The following KALRN variants were observed in gnomAD, a reference collection of about 807,000 sequenced individuals.
The protein encoded by KALRN is kalirin.
KALRN carries 70 observed loss-of-function variants against 353.7 expected under a neutral mutation model. That is an observed-to-expected ratio of 0.20 (90% CI 0.16 to 0.24). The LOEUF is 0.24. KALRN is among the 10% of genes least tolerant of loss of function. KALRN has a pLI of 1.00. For synonymous variants in KALRN, 1,391 were observed against 1,434.8 expected (o/e 0.97, Z 0.69); for missense variants, 2,791 against 3,756.7 (o/e 0.74, Z 6.72).
chr3:124,233,962 A>G (rs1336190772), intron 2 of KALRN, among the ~76,000 whole-genome samples: 1 of 152,298 alleles, frequency 6.6e-6, no homozygotes, highest in South Asian at 2.1e-4. Flanking sequence ...CTTCCTAAGC[A>G]TAGTGTCCAT....
intron 57 of KALRN, among the ~76,000 whole-genome samples, chr3:124,707,076 C>A (rs929268293): frequency 4.6e-5 from 7 of 152,088 alleles, no homozygotes; most frequent in African/African-American, 1.4e-4. Context: ...TGGTGGCTCA[C>A]GCCTGTAATC....
rs957782341 is a variant in KALRN at position 124,152,850 on chromosome 3, C to T, written c.74-75140C>T. On this transcript the variant is annotated intron_variant, in intron 1 of 59. Coordinates refer to ENST00000682506, the MANE Select transcript of KALRN (RefSeq NM_001388419.1). ...CAAGCTTGTCTTGAACTCCTGACCT[C>T]GTGATCCACCCGCCTCGGCCTCTCA... 6 of 213,618 alleles carry T rather than the reference C, an allele frequency of 2.8e-5. No homozygotes were observed. In the South Asian group the frequency reaches 4.8e-4, roughly 17 times the overall value. The allele number at this position is 213,618 out of a possible 1,614,324, so 13.2% of individuals were successfully genotyped here. A position where few individuals can be genotyped will look rare whatever the true frequency, so the allele number is the denominator to read the frequency against.
chr3:124,645,302 C>CT (rs1181154977), intron 37 of KALRN, among the ~76,000 whole-genome samples: 1 of 152,148 alleles, frequency 6.6e-6, no homozygotes, highest in African/African-American at 2.4e-5. Context: ...ATGATAGTTT[C>CT]TTTTGCTGTG....
intron 33 of KALRN, among the ~76,000 whole-genome samples, chr3:124,562,469 G>A (rs972432908): frequency 6.6e-6 from 1 of 152,120 alleles, no homozygotes; most frequent in Non-Finnish European, 1.5e-5. Flanking sequence ...GGGCATATAG[G>A]GAAGGGGTTT....
At chr3:124,328,482 A>G (rs2080159325) in intron 7 of KALRN, among the ~76,000 whole-genome samples, 1 of 152,176 alleles carries the variant, frequency 6.6e-6, no homozygotes, top group Non-Finnish European at 1.5e-5. Flanking sequence ...TGTTCCCCCC[A>G]TGATTGACAC....
At position 124,674,419 on chromosome 3, in the gene KALRN, A is replaced by G. The variant is rs1308886788; in HGVS notation, c.6998A>G (p.Tyr2333Cys). ...TSSMAVIKDY[Y>C]ALKENEICVS... ...TCCATGGCCGTGATCAAAGATTACT[A>G]TGCACTGAAGGAGAATGAAATCTGT... The change falls in exon 49 of 60, where the codon TAT (tyrosine) becomes TGT (cysteine). Residue 2333 changes from tyrosine (Y) to cysteine (C), a missense_variant. Coordinates refer to ENST00000682506, the MANE Select transcript of KALRN (RefSeq NM_001388419.1). 40 of 1,613,944 alleles carry G rather than the reference A, an allele frequency of 2.5e-5. No individual in the cohort carries two copies. The highest frequency in any genetic ancestry group is 3.1e-5 in the Non-Finnish European group (37 of 1,180,000).
At chr3:124,070,069 T>A (rs545863947) in intron 1 of KALRN, among the ~76,000 whole-genome samples, 214 of 151,982 alleles carry the variant, frequency 1.4e-3, no homozygotes, top group African/African-American at 5.0e-3. Flanking sequence ...GGTGATGAAA[T>A]AGAGGCAGAG....
chr3:124,564,159 C>G (rs796095610), intron 34 of KALRN, among the ~76,000 whole-genome samples: 2 of 133,846 alleles, frequency 1.5e-5, no homozygotes, highest in African/African-American at 5.8e-5. Context: ...GAGTCGAGAT[C>G]GCGCCACCGC....
At chr3:124,320,773 C>T (rs1040698470) in intron 6 of KALRN, among the ~76,000 whole-genome samples, 2 of 152,306 alleles carry the variant, frequency 1.3e-5, no homozygotes. Flanking sequence ...ATCCTCTGAT[C>T]TCTCTGGGTC....
In KALRN at chr3:124,439,200, T is replaced by TTA. The variant is rs1395318707; in HGVS notation, c.3198+163_3198+164insTA. 8.1e-4 allele frequency among the ~76,000 whole-genome samples: 80 copies of TTA among 98,970 alleles called. 4 individuals are homozygous for TTA. The highest frequency in any genetic ancestry group is 2.7e-3 in the African/African-American group (76 of 28,432). The allele number at this position is 98,970 out of a possible 152,430, so 64.9% of individuals were successfully genotyped here. ...TCCTTCTTCTCCTTCTCTCTCTCTC[T>TTA]CACACACACACACACACACACACAC... On this transcript the variant is annotated intron_variant, in intron 18 of 59. Transcript: ENST00000682506.
At chr3:124,487,324 T>C (rs2062673969) in intron 28 of KALRN, among the ~76,000 whole-genome samples, 1 of 152,206 alleles carries the variant, frequency 6.6e-6, no homozygotes, top group African/African-American at 2.4e-5. Context: ...GGGATGGTGA[T>C]GACTGAGTCT....
chr3:124,586,875 C>T (rs1205112311), intron 34 of KALRN, among the ~76,000 whole-genome samples: 2 of 152,158 alleles, frequency 1.3e-5, no homozygotes, highest in African/African-American at 2.4e-5. Flanking sequence ...AAAACTCCTG[C>T]CTGTGGCTAG....
At chr3:124,214,297 A>T (rs2077134492) in intron 1 of KALRN, among the ~76,000 whole-genome samples, 1 of 152,210 alleles carries the variant, frequency 6.6e-6, no homozygotes, top group African/African-American at 2.4e-5. Flanking sequence ...TTTAATGCAT[A>T]TTTAATGAAT....
intron 3 of KALRN, among the ~76,000 whole-genome samples, chr3:124,260,444 C>T (rs1348801700): frequency 6.6e-6 from 1 of 152,162 alleles, no homozygotes; most frequent in African/African-American, 2.4e-5. Context: ...CCCCAGCTCA[C>T]ACATTTATAT....
At chr3:124,286,982 A>G (rs1284849404) in intron 5 of KALRN, among the ~76,000 whole-genome samples, 2 of 152,212 alleles carry the variant, frequency 1.3e-5, no homozygotes, top group Non-Finnish European at 2.9e-5. Context: ...CAAGAATACA[A>G]TTAAATTACA....
intron 1 of KALRN, among the ~76,000 whole-genome samples, chr3:124,125,211 C>T (rs1578329738): frequency 6.6e-6 from 1 of 152,176 alleles, no homozygotes; most frequent in African/African-American, 2.4e-5. Flanking sequence ...ATCAGTAAAG[C>T]AAGGATTATC....
chr3:124,719,563 C>T lies in KALRN; in HGVS notation c.*93C>T. 3 of 1,214,060 alleles carry T rather than the reference C, an allele frequency of 2.5e-6. No homozygotes were observed. The highest frequency in any genetic ancestry group is 3.5e-6 in the Non-Finnish European group (3 of 866,832). The allele number at this position is 1,214,060 out of a possible 1,614,324, so 75.2% of individuals were successfully genotyped here. A position where few individuals can be genotyped will look rare whatever the true frequency, so the allele number is the denominator to read the frequency against. ...GTAAATAATTCTGTTCATCATTTCA[C>T]TCCGTGCAGTTCTCTGAATTGAGAG... On this transcript the variant is annotated 3_prime_UTR_variant, in exon 60 of 60. Transcript: ENST00000682506. This position sits in a 1 kb window ranked among gnomAD's most constrained non-coding sequence, Gnocchi z 5.3.
intron 34 of KALRN, among the ~76,000 whole-genome samples, chr3:124,585,198 AGGGAGTGGGATGC>A (rs2075040174): frequency 6.6e-6 from 1 of 152,136 alleles, no homozygotes; most frequent in Non-Finnish European, 1.5e-5. Context: ...CCAGCCTGCT[AGGGAGTGGGATGC>A]GGACGCGGGG....
intron 47 of KALRN, among the ~76,000 whole-genome samples, chr3:124,667,881 A>T (rs1260254733): frequency 6.6e-6 from 1 of 152,022 alleles, no homozygotes; most frequent in African/African-American, 2.4e-5. Context: ...TGAGCTTGGC[A>T]TGGGAAAGGG....
Sources: allele counts gnomAD v4.1 joint callset (sites outside exome capture counted in the v4.1 genomes callset), GRCh38; gene constraint gnomAD v4.1.1; non-coding constraint Gnocchi (gnomAD v3.1); transcripts MANE v1.5; gene names NCBI Gene and HGNC (gene_info 2026-07-23, HGNC 2026-07-21).